STXBP4: variants seen among roughly 807,000 people sequenced by gnomAD.
STXBP4 encodes syntaxin binding protein 4.
Under a neutral mutation model 76.1 loss-of-function variants are expected in STXBP4, and 55 were observed. That is an observed-to-expected ratio of 0.72 (90% CI 0.58 to 0.91). STXBP4 has a LOEUF of 0.91. STXBP4 is among the 40% of genes least tolerant of loss of function. The probability of loss-of-function intolerance (pLI) is 0.00; values close to 1 mark genes in which losing one functional copy is unlikely to be tolerated. For missense variants in STXBP4, 618 were observed against 636.9 expected, an observed-to-expected ratio of 0.97 and a Z score of 0.32; for synonymous variants, 201 against 220.2, an observed-to-expected ratio of 0.91 and a Z score of 0.77.
At chr17:55,137,047 T>C (rs1401289220) in intron 16 of STXBP4, among the ~76,000 whole-genome samples, 1 of 152,130 alleles carries the variant, frequency 6.6e-6, no homozygotes, top group Admixed American at 6.6e-5. Context: ...GTAGCTGTTA[T>C]CATCACTACT....
intron 16 of STXBP4, among the ~76,000 whole-genome samples, chr17:55,085,690 T>A (rs1260452326): frequency 6.6e-6 from 1 of 152,088 alleles, no homozygotes; most frequent in Non-Finnish European, 1.5e-5. Context: ...CAGTTCTGGG[T>A]AATAGATGGC....
intron 16 of STXBP4, among the ~76,000 whole-genome samples, chr17:55,132,257 C>A (rs1464191554): frequency 6.6e-6 from 1 of 152,120 alleles, no homozygotes; most frequent in Non-Finnish European, 1.5e-5. Flanking sequence ...AGTGGTGTGA[C>A]CTCAGCTCAC....
intron 12 of STXBP4, among the ~76,000 whole-genome samples, chr17:55,067,722 G>T (rs1471761882): frequency 6.6e-6 from 1 of 152,214 alleles, no homozygotes; most frequent in Middle Eastern, 3.4e-3. Flanking sequence ...AACACAGTAG[G>T]CAGGGTGATC....
At chr17:55,008,326 G>A (rs1274222519) in intron 8 of STXBP4, among the ~76,000 whole-genome samples, 2 of 151,788 alleles carry the variant, frequency 1.3e-5, no homozygotes, top group Admixed American at 6.6e-5. Flanking sequence ...AAAATGCATA[G>A]CTAAAATAAA....
intron 16 of STXBP4, among the ~76,000 whole-genome samples, chr17:55,132,509 C>G (rs1007145174): frequency 6.6e-6 from 1 of 152,070 alleles, no homozygotes; most frequent in Non-Finnish European, 1.5e-5. Flanking sequence ...ATTAAACACC[C>G]TTTCAACATC....
chr17:55,179,963 G>C, the STXBP4 span, among the ~76,000 whole-genome samples: 5 of 152,080 alleles, frequency 3.3e-5, no homozygotes, highest in Admixed American at 2.6e-4. Context: ...ATATTCCATG[G>C]AATTTTCCTT....
At chr17:55,056,918 G>A (rs2078930690) in intron 12 of STXBP4, among the ~76,000 whole-genome samples, 1 of 151,984 alleles carries the variant, frequency 6.6e-6, no homozygotes, top group South Asian at 2.1e-4. Context: ...TATGAAGAAA[G>A]CATACTTCAA....
At chr17:54,997,086 A>G (rs2077816143) in intron 4 of STXBP4, among the ~76,000 whole-genome samples, 1 of 152,210 alleles carries the variant, frequency 6.6e-6, no homozygotes. Flanking sequence ...AAGAGGTCTC[A>G]ACATATCTCT....
In STXBP4 at chr17:54,982,502, A is replaced by G. The variant is rs1274743015; in HGVS notation, c.-156-3112A>G. On this transcript the variant is annotated intron_variant, in intron 1 of 17. Transcript: ENST00000376352. Reference sequence around the variant, plus strand: ...TTATGATTCACCAAACTAGAATAACAATATATTTGTCTTCAATGTTCATAT... The same window carrying G: ...TTATGATTCACCAAACTAGAATAACGATATATTTGTCTTCAATGTTCATAT... 3.3e-5 allele frequency among the ~76,000 whole-genome samples: 5 copies of G among 152,150 alleles called. No individual in the cohort carries two copies. The East Asian group carries it at 7.7e-4, about 24-fold the overall frequency.
At chr17:55,141,936 A>G (rs1187671310) in intron 17 of STXBP4, among the ~76,000 whole-genome samples, 1 of 152,246 alleles carries the variant, frequency 6.6e-6, no homozygotes, top group African/African-American at 2.4e-5. Flanking sequence ...AGGACAGTAT[A>G]TGAACAAACC....
chr17:55,015,625 C>T (rs940944518), intron 8 of STXBP4, among the ~76,000 whole-genome samples: 15 of 151,766 alleles, frequency 9.9e-5, no homozygotes, highest in African/African-American at 3.4e-4. Context: ...AAATTCTCCT[C>T]CTCCCACTGC....
chr17:55,045,861 T>G (rs1031292296), intron 11 of STXBP4, among the ~76,000 whole-genome samples: 4 of 152,048 alleles, frequency 2.6e-5, no homozygotes, highest in Admixed American at 2.6e-4. Context: ...TTAAAGGTAA[T>G]GTTTTTGTTT....
intron 16 of STXBP4, among the ~76,000 whole-genome samples, chr17:55,096,811 T>A (rs2144996214): frequency 6.6e-6 from 1 of 152,300 alleles, no homozygotes. Context: ...GATGCACTCC[T>A]CCATAAAGTG....
chr17:55,184,193 A>C, the STXBP4 span, among the ~76,000 whole-genome samples: 2 of 152,186 alleles, frequency 1.3e-5, no homozygotes, highest in Non-Finnish European at 2.9e-5. Flanking sequence ...TTCTAGCCTT[A>C]TTAAGTTGCT....
At chr17:55,181,699 T>C in the STXBP4 span, among the ~76,000 whole-genome samples, 5 of 152,112 alleles carry the variant, frequency 3.3e-5, no homozygotes, top group African/African-American at 9.7e-5. Flanking sequence ...GAAAAGGCAA[T>C]GAGAAATGCT....
chr17:55,142,192 G>C (rs752236439), intron 17 of STXBP4, among the ~76,000 whole-genome samples: 1 of 152,172 alleles, frequency 6.6e-6, no homozygotes, highest in Non-Finnish European at 1.5e-5. Context: ...TGCTGAACTG[G>C]TTAGTTTTGC....
chr17:55,200,947 A>C, the STXBP4 span, among the ~76,000 whole-genome samples: 1 of 152,236 alleles, frequency 6.6e-6, no homozygotes, highest in African/African-American at 2.4e-5. Flanking sequence ...GTCCATTGCT[A>C]TCCATCTTAT....
chr17:55,009,104 A>G (rs908254450), intron 8 of STXBP4, among the ~76,000 whole-genome samples: 1 of 152,172 alleles, frequency 6.6e-6, no homozygotes, highest in Non-Finnish European at 1.5e-5. Flanking sequence ...TGTAGCACCT[A>G]TTAGTGTTTA....
rs533246655 is a variant in STXBP4, at chr17:55,031,037, C to T, written c.667-131C>T. Reference sequence around the variant, plus strand: ...CACTTAATCCATAAAGAGCTGACTTCCCTTGGGTGTTTAATCCTGGTCGAC... The same window carrying T: ...CACTTAATCCATAAAGAGCTGACTTTCCTTGGGTGTTTAATCCTGGTCGAC... On this transcript the variant is annotated intron_variant, in intron 8 of 17. Coordinates refer to ENST00000376352, the MANE Select transcript of STXBP4 (RefSeq NM_178509.6). 508 of 634,074 alleles carry T rather than the reference C, an allele frequency of 8.0e-4. 2 individuals are homozygous for T. Among genetic ancestry groups the T allele is most frequent in the Middle Eastern group, 3.9e-3 (14 of 3,574 alleles). The allele number at this position is 634,074 out of a possible 1,614,324, so 39.3% of individuals were successfully genotyped here.
Sources: allele counts gnomAD v4.1 joint callset (sites outside exome capture counted in the v4.1 genomes callset), GRCh38; gene constraint gnomAD v4.1.1; transcripts MANE v1.5; gene names NCBI Gene and HGNC (gene_info 2026-07-23, HGNC 2026-07-21).